COX7A2L: variants seen among roughly 807,000 people sequenced by gnomAD.
The protein encoded by COX7A2L is cytochrome c oxidase subunit 7A2 like, also known as cytochrome c oxidase subunit 7A2-like, mitochondrial.
COX7A2L carries 18 observed loss-of-function variants against 14.2 expected under a neutral mutation model. The observed-to-expected ratio is 1.27, with a 90% CI of 0.88 to 1.88. The LOEUF (loss-of-function observed/expected upper bound fraction) is 1.88. Among genes scored for constraint, COX7A2L ranks in the 40% most tolerant of loss-of-function variants. COX7A2L has a pLI of 0.00. For synonymous variants in COX7A2L, 65 were observed against 57.4 expected (o/e 1.13, Z -0.60); for missense variants, 179 against 138.8 (o/e 1.29, Z -1.46).
chr2:42,351,682 A>G (rs1157732469), intron 2 of COX7A2L, among the ~76,000 whole-genome samples: 1 of 152,234 alleles, frequency 6.6e-6, no homozygotes, highest in Non-Finnish European at 1.5e-5. Context: ...AAAGAAGTGC[A>G]GGCAGGAGAG....
At chr2:42,351,964 C>A (rs985961798) in intron 2 of COX7A2L, among the ~76,000 whole-genome samples, 9 of 152,118 alleles carry the variant, frequency 5.9e-5, no homozygotes, top group African/African-American at 1.9e-4. Flanking sequence ...GCCTGGGTGA[C>A]AGAGTAAGGC....
chr2:42,337,368 C>G (rs115039900), intron 2 of COX7A2L, among the ~76,000 whole-genome samples: 75 of 152,346 alleles, frequency 4.9e-4, no homozygotes, highest in African/African-American at 1.7e-3. Flanking sequence ...CATCTCAAAA[C>G]TCTACAAACT....
upstream of COX7A2L, among the ~76,000 whole-genome samples, chr2:42,364,320 T>C (rs1467462643): frequency 1.3e-5 from 2 of 150,216 alleles, no homozygotes. Context: ...CCTGCAGGAG[T>C]TGAGGTCATT....
At position 42,361,149 on chromosome 2, in the gene COX7A2L, A is replaced by C; in HGVS notation, c.13T>G (p.Phe5Val). 2 of 1,613,036 alleles carry C rather than the reference A, an allele frequency of 1.2e-6. No homozygotes were observed. Among genetic ancestry groups the C allele is most frequent in the African/African-American group, 2.7e-5 (2 of 74,886 alleles). Residue 5 changes from phenylalanine to valine, a missense_variant, in exon 1 of 3, where the codon TTT becomes GTT. By Grantham distance (50) the Phe-to-Val change is conservative. Transcript: ENST00000234301. MYYK[F>V]SGFTQKLAGA... is the part of the protein sequence containing the mutation. ...GCCAACTTCTGCGTGAAGCCACTAA[A>C]CTTGTAGTACATGACGCCCAGAGTC...
At chr2:42,360,728 G>A (rs1040360065) in intron 1 of COX7A2L, among the ~76,000 whole-genome samples, 9 of 143,478 alleles carry the variant, frequency 6.3e-5, no homozygotes, top group African/African-American at 1.8e-4. Flanking sequence ...CAAACGACAA[G>A]GAGGCCGAAA....
chr2:42,338,721 C>T lies in COX7A2L; in HGVS notation c.193-4852G>A, dbSNP rs78184656. Among the ~76,000 whole-genome samples the T allele has an allele frequency of 5.9e-5, 9 of 152,224 alleles. No individual in the cohort carries two copies. Among genetic ancestry groups the T allele is most frequent in the African/African-American group, 7.2e-5 (3 of 41,528 alleles). On this transcript the variant is annotated intron_variant, in intron 2 of 2. Transcript: ENST00000468711. The surrounding 1 kb of genome is among the most constrained non-coding windows in gnomAD (Gnocchi z 4.4). ...ACAGCAGGACTCTAACCACTGGCTACGGTGGAAAAGGCCTCAGGAAACAGT... is the reference window on the plus strand; with the variant it reads ...ACAGCAGGACTCTAACCACTGGCTATGGTGGAAAAGGCCTCAGGAAACAGT...
intron 2 of COX7A2L, among the ~76,000 whole-genome samples, chr2:42,352,622 C>T (rs1670683808): frequency 6.6e-6 from 1 of 152,150 alleles, no homozygotes; most frequent in African/African-American, 2.4e-5. Flanking sequence ...GGGAAGCTAC[C>T]TTACAGCAAT....
Position 42,366,228 on chromosome 2 carries a change from G to A in COX7A2L, c.-688+2640C>T, listed in dbSNP as rs577920375. ...GCGGATCACTTGAGTCCAGCAGTAC[G>A]AGACCAGCCTGGGCAACATGGTGAA... On this transcript the variant is annotated intron_variant, in intron 1 of 3. Transcript: ENST00000378669. Among the ~76,000 whole-genome samples, 7 of 152,232 alleles carry A rather than the reference G, an allele frequency of 4.6e-5. No individual in the cohort carries two copies. In the South Asian group the frequency reaches 6.2e-4, roughly 14 times the overall value.
intron 2 of COX7A2L, among the ~76,000 whole-genome samples, chr2:42,341,375 C>G (rs1354287248): frequency 2.0e-5 from 3 of 152,216 alleles, no homozygotes; most frequent in Non-Finnish European, 4.4e-5. Flanking sequence ...GCCCAAGTCC[C>G]ACCTGGGCAG....
At chr2:42,348,106 A>G (rs577623224), downstream of COX7A2L, among the ~76,000 whole-genome samples, 252 of 152,372 alleles carry the variant, frequency 1.7e-3, 1 homozygote, top group African/African-American at 5.8e-3. Flanking sequence ...ATCAAAATCA[A>G]TAATGGCAGA....
At chr2:42,363,023 C>T (rs1029602674), upstream of COX7A2L, among the ~76,000 whole-genome samples, 5 of 151,836 alleles carry the variant, frequency 3.3e-5, no homozygotes, top group South Asian at 2.1e-4. Context: ...CACAGATGCG[C>T]GCCACCACGC....
intron 1 of COX7A2L, among the ~76,000 whole-genome samples, chr2:42,355,714 G>GTTTTTTTT (rs1254293234): frequency 3.6e-5 from 3 of 82,864 alleles, no homozygotes; most frequent in African/African-American, 9.9e-5. Context: ...AAAATCCTAC[G>GTTTTTTTT]TTCTTTTTTT....
chr2:42,336,686 G>A (rs901870450), intron 2 of COX7A2L, among the ~76,000 whole-genome samples: 16 of 152,292 alleles, frequency 1.1e-4, no homozygotes, highest in African/African-American at 2.6e-4. Flanking sequence ...AGCTGGAGCC[G>A]TCACCGTAGA....
chr2:42,338,189 G>A lies in COX7A2L; in HGVS notation c.193-4320C>T, dbSNP rs1050757224. Reference sequence around the variant, plus strand: ...TGCAAGGCAGAGACAGCCGTTCCGTGTTTCTCCCCCAGCCGCAGCGGCCAG... The same window carrying A: ...TGCAAGGCAGAGACAGCCGTTCCGTATTTCTCCCCCAGCCGCAGCGGCCAG... On this transcript the variant is annotated intron_variant, in intron 2 of 2. Coordinates refer to the COX7A2L transcript ENST00000468711. The surrounding 1 kb of genome is among the most constrained non-coding windows in gnomAD (Gnocchi z 4.4). Among the ~76,000 whole-genome samples, 11 of 152,300 alleles carry A rather than the reference G, an allele frequency of 7.2e-5. No homozygotes were observed. The highest frequency in any genetic ancestry group is 2.6e-4 in the African/African-American group (11 of 41,560).
At chr2:42,345,714 A>G (rs966531363), downstream of COX7A2L, among the ~76,000 whole-genome samples, 3 of 152,172 alleles carry the variant, frequency 2.0e-5, no homozygotes, top group Admixed American at 1.3e-4. Flanking sequence ...GATGACTTAA[A>G]ATAATTCCCT....
chr2:42,359,721 C>T (rs1670955987), intron 1 of COX7A2L: 1 of 152,012 alleles, frequency 6.6e-6, no homozygotes, highest in African/African-American at 2.4e-5. Context: ...GCTGAAGACA[C>T]CCAAGTTTAT....
chr2:42,352,196 G>C (rs1331656159), intron 2 of COX7A2L, among the ~76,000 whole-genome samples: 2 of 151,986 alleles, frequency 1.3e-5, no homozygotes, highest in Admixed American at 1.3e-4. Context: ...TAGAGACTGG[G>C]TCTCACTCTG....
Position 42,351,141 on chromosome 2 carries a change from A to G in COX7A2L, c.*78T>C. The G allele has an allele frequency of 6.8e-7, 1 of 1,465,928 alleles. No homozygotes were observed. Among genetic ancestry groups the G allele is most frequent in the South Asian group, 1.4e-5 (1 of 69,514 alleles). 90.8% of individuals were successfully genotyped at this position (1,465,928 alleles called of 1,614,324 possible). A position where few individuals can be genotyped will look rare whatever the true frequency, so the allele number is the denominator to read the frequency against. On this transcript the variant is annotated 3_prime_UTR_variant, in exon 3 of 3. Coordinates refer to ENST00000234301, the MANE Select transcript of COX7A2L (RefSeq NM_004718.4). ...AATGTTAAGCCATCCAAGTAAAAAA[A>G]AAAATTTTAATTTAACAATGAAAAA...
chr2:42,345,026 C>T (rs1188582404), downstream of COX7A2L, among the ~76,000 whole-genome samples: 1 of 152,096 alleles, frequency 6.6e-6, no homozygotes, highest in Non-Finnish European at 1.5e-5. Context: ...AATGAAGTTT[C>T]GTGATAGCAA....
Sources: gnomAD v4.1 joint callset for allele counts (sites outside exome capture counted in the v4.1 genomes callset) on GRCh38, gnomAD v4.1.1 for gene constraint, Gnocchi (gnomAD v3.1) non-coding constraint, MANE v1.5 for transcripts, NCBI Gene and HGNC (gene_info 2026-07-23, HGNC 2026-07-21) for gene names.